Variants in ACVR1C observed in about 807,000 individuals in gnomAD.
ACVR1C encodes activin A receptor type 1C.
ACVR1C carries 23 observed loss-of-function variants against 57.9 expected under a neutral mutation model. The observed-to-expected ratio is 0.40, with a 90% CI of 0.29 to 0.56. ACVR1C has a LOEUF of 0.56. ACVR1C is among the 20% of genes least tolerant of loss of function. The probability of loss-of-function intolerance (pLI) is 0.50; values close to 1 mark genes in which losing one functional copy is unlikely to be tolerated. For synonymous variants in ACVR1C, 214 were observed against 215.3 expected (o/e 0.99, Z 0.05); for missense variants, 480 against 607.9 (o/e 0.79, Z 2.21).
chr2:157,547,616 C>A (rs1687797286), intron 4 of ACVR1C, among the ~76,000 whole-genome samples: 1 of 142,148 alleles, frequency 7.0e-6, no homozygotes, highest in Non-Finnish European at 1.5e-5. Context: ...TAAATGTCTT[C>A]TTTTGAGAAG....
intron 1 of ACVR1C, among the ~76,000 whole-genome samples, chr2:157,587,998 T>C (rs142551532): frequency 3.3e-5 from 5 of 152,194 alleles, no homozygotes; most frequent in Non-Finnish European, 7.4e-5. Flanking sequence ...GTAGTTCCTT[T>C]GAGGCATTGG....
At chr2:157,554,380 GA>G (rs1688038235) in intron 3 of ACVR1C, among the ~76,000 whole-genome samples, 1 of 141,480 alleles carries the variant, frequency 7.1e-6, no homozygotes, top group African/African-American at 2.6e-5. Context: ...GGGAGGGAGG[GA>G]GGGAAGGAAG....
At chr2:157,602,619 A>G in intron 1 of ACVR1C, among the ~76,000 whole-genome samples, 1 of 152,184 alleles carries the variant, frequency 6.6e-6, no homozygotes, top group Non-Finnish European at 1.5e-5. Flanking sequence ...CACAAAAGTA[A>G]AAAACAGAAA....
At chr2:157,613,336 A>G (rs1573955938) in intron 1 of ACVR1C, among the ~76,000 whole-genome samples, 1 of 152,194 alleles carries the variant, frequency 6.6e-6, no homozygotes, top group Admixed American at 6.5e-5. Flanking sequence ...ACTCCTCTAT[A>G]CTTTAAATAA....
At chr2:157,611,838 G>A (rs539811223) in intron 1 of ACVR1C, among the ~76,000 whole-genome samples, 1 of 152,232 alleles carries the variant, frequency 6.6e-6, no homozygotes, top group Non-Finnish European at 1.5e-5. Context: ...TGTGGTTGTG[G>A]TGCCAGGGTG....
At chr2:157,595,312 C>A (rs1682065656) in intron 1 of ACVR1C, among the ~76,000 whole-genome samples, 1 of 152,160 alleles carries the variant, frequency 6.6e-6, no homozygotes, top group Non-Finnish European at 1.5e-5. Context: ...TTGGTGATAA[C>A]CGCTCTTGGG....
intron 1 of ACVR1C, among the ~76,000 whole-genome samples, chr2:157,620,443 A>G (rs1225413864): frequency 6.6e-6 from 1 of 152,152 alleles, no homozygotes. Context: ...GGAAAATGCC[A>G]TCGGATAAAG....
rs1191742503 is a variant in ACVR1C at position 157,528,838 on chromosome 2, A to G, written c.*5080T>C. 3 of 152,204 alleles carry G rather than the reference A, an allele frequency of 2.0e-5. No homozygotes were observed. The highest frequency in any genetic ancestry group is 7.2e-5 in the African/African-American group (3 of 41,462). The allele number at this position is 152,204 out of a possible 1,614,324, so 9.4% of individuals were successfully genotyped here. A position where few individuals can be genotyped will look rare whatever the true frequency, so the allele number is the denominator to read the frequency against. On this transcript the variant is annotated 3_prime_UTR_variant, in exon 9 of 9. Coordinates refer to ENST00000243349, the MANE Select transcript of ACVR1C (RefSeq NM_145259.3). ...CATCTCTGCCATTAACAAATACTCT[A>G]TAGTGCCAAATGAAGGATTACTGGA...
chr2:157,603,947 A>T (rs182966314), intron 1 of ACVR1C, among the ~76,000 whole-genome samples: 15 of 152,250 alleles, frequency 9.9e-5, no homozygotes, highest in Admixed American at 9.8e-4. Flanking sequence ...AAAGAAAAGC[A>T]TCCATCTGGT....
At chr2:157,558,381 T>G (rs1558977203) in intron 2 of ACVR1C, among the ~76,000 whole-genome samples, 1 of 152,232 alleles carries the variant, frequency 6.6e-6, no homozygotes, top group African/African-American at 2.4e-5. Context: ...TCTTAGACGT[T>G]CTTGCACTTT....
intron 1 of ACVR1C, among the ~76,000 whole-genome samples, chr2:157,595,342 G>A (rs574249793): frequency 6.6e-6 from 1 of 152,304 alleles, no homozygotes; most frequent in Non-Finnish European, 1.5e-5. Context: ...GTGTCTCCAA[G>A]GCTGAATCTT....
Position 157,532,489 on chromosome 2 carries a change from G to A in ACVR1C, c.*1429C>T, listed in dbSNP as rs1382239893. 3 of 151,188 alleles carry A rather than the reference G, an allele frequency of 2.0e-5. No homozygotes were observed. Among genetic ancestry groups the A allele is most frequent in the African/African-American group, 7.3e-5 (3 of 41,096 alleles). 9.4% of individuals were successfully genotyped at this position (151,188 alleles called of 1,614,324 possible). A position where few individuals can be genotyped will look rare whatever the true frequency, so the allele number is the denominator to read the frequency against. On this transcript the variant is annotated 3_prime_UTR_variant, in exon 9 of 9. Transcript: ENST00000243349. ...AGTACCAAAGAACACTTTTGGTCTTGGATCATCTCAGTAGAAGAATGTTCT... is the reference window on the plus strand; with the variant it reads ...AGTACCAAAGAACACTTTTGGTCTTAGATCATCTCAGTAGAAGAATGTTCT...
chr2:157,580,922 TTG>T (rs1688774994), intron 2 of ACVR1C, among the ~76,000 whole-genome samples: 1 of 152,096 alleles, frequency 6.6e-6, no homozygotes, highest in South Asian at 2.1e-4. Context: ...GGGTATATGC[TTG>T]TGTGTCTCAA....
chr2:157,557,725 AT>A (rs2105226774), intron 2 of ACVR1C, among the ~76,000 whole-genome samples: 1 of 152,306 alleles, frequency 6.6e-6, no homozygotes, highest in Admixed American at 6.5e-5. Context: ...AGAAAAATAA[AT>A]GTGATCATTG....
At chr2:157,565,262 G>C (rs1007995142) in intron 2 of ACVR1C, among the ~76,000 whole-genome samples, 1 of 152,046 alleles carries the variant, frequency 6.6e-6, no homozygotes. Context: ...AAGTAGAATG[G>C]GCTAAGGAGC....
intron 1 of ACVR1C, among the ~76,000 whole-genome samples, chr2:157,607,386 TGAA>T (rs1172411041): frequency 1.3e-5 from 2 of 151,640 alleles, no homozygotes; most frequent in Non-Finnish European, 3.0e-5. Context: ...CAATATGTTT[TGAA>T]GTCAGTTAGG....
rs1687319079 is a variant in ACVR1C, at chr2:157,529,962, G to A, written c.*3956C>T. On this transcript the variant is annotated 3_prime_UTR_variant, in exon 9 of 9. Coordinates refer to ENST00000243349, the MANE Select transcript of ACVR1C (RefSeq NM_145259.3). Reference sequence around the variant, plus strand: ...CAGCTCTCAAGATAAAAGAATTACTGTTTTCACTAAAATAGCAGAAAAACT... The same window carrying A: ...CAGCTCTCAAGATAAAAGAATTACTATTTTCACTAAAATAGCAGAAAAACT... 6.6e-6 allele frequency: 1 copy of A among 151,930 alleles called. No individual in the cohort carries two copies. The highest frequency in any genetic ancestry group is 1.5e-5 in the Non-Finnish European group (1 of 67,946). 9.4% of individuals were successfully genotyped at this position (151,930 alleles called of 1,614,324 possible).
At position 157,599,053 on chromosome 2, in the gene ACVR1C, G is replaced by T. The variant is rs77135611; in HGVS notation, c.74-11636C>A. ...TCTGGAAACTGAAAAAAGCTGAATAGGCCGGTCGCGGTGGCTCAGGCCTGT... is the reference window on the plus strand; with the variant it reads ...TCTGGAAACTGAAAAAAGCTGAATATGCCGGTCGCGGTGGCTCAGGCCTGT... On this transcript the variant is annotated intron_variant, in intron 1 of 8. Transcript: ENST00000243349. 6.1e-3 allele frequency among the ~76,000 whole-genome samples: 925 copies of T among 151,998 alleles called. 10 individuals are homozygous for T. The highest frequency in any genetic ancestry group is 0.021 in the African/African-American group (852 of 41,468).
rs776288605 is a variant in ACVR1C, at chr2:157,544,617, C to A, written c.776-5G>T. Reference sequence around the variant, plus strand: ...GTTGAGTCCAAGTTCCATTATCTAACAAGAAAATGTAATTTTGTTGTTGTA... The same window carrying A: ...GTTGAGTCCAAGTTCCATTATCTAAAAAGAAAATGTAATTTTGTTGTTGTA... On this transcript the variant is annotated splice_region_variant and splice_polypyrimidine_tract_variant and intron_variant, in intron 4 of 8. Coordinates refer to ENST00000243349, the MANE Select transcript of ACVR1C (RefSeq NM_145259.3). 1.2e-6 allele frequency: 2 copies of A among 1,601,402 alleles called. No homozygotes were observed. Among genetic ancestry groups the A allele is most frequent in the South Asian group, 2.3e-5 (2 of 88,560 alleles).
Sources: gnomAD v4.1 joint callset for allele counts (sites outside exome capture counted in the v4.1 genomes callset) on GRCh38, gnomAD v4.1.1 for gene constraint, MANE v1.5 for transcripts, NCBI Gene and HGNC (gene_info 2026-07-23, HGNC 2026-07-21) for gene names.